RNF24: variants seen among roughly 807,000 people sequenced by gnomAD.
RNF24 encodes ring finger protein 24.
Under a neutral mutation model 20.0 loss-of-function variants are expected in RNF24, and 14 were observed. That is an observed-to-expected ratio of 0.70 (90% CI 0.46 to 1.10). The LOEUF is 1.10. Ranked by LOEUF, RNF24 falls within the 50% of genes least tolerant of loss-of-function variation. The pLI, the probability that RNF24 is intolerant of heterozygous loss-of-function variation, is 0.00. For missense variants in RNF24, 124 were observed against 177.6 expected, an observed-to-expected ratio of 0.70 and a Z score of 1.71; for synonymous variants, 45 against 61.1, an observed-to-expected ratio of 0.74 and a Z score of 1.23.
At chr20:3,947,524 G>A (rs2091033235) in intron 3 of RNF24, among the ~76,000 whole-genome samples, 1 of 152,216 alleles carries the variant, frequency 6.6e-6, no homozygotes, top group Non-Finnish European at 1.5e-5. Flanking sequence ...ACAAAAGGGA[G>A]TAGATGAGAT....
At chr20:3,983,726 A>C (rs1029264265) in intron 1 of RNF24, among the ~76,000 whole-genome samples, 3 of 152,028 alleles carry the variant, frequency 2.0e-5, no homozygotes, top group Admixed American at 2.0e-4. Context: ...AGATCACCTG[A>C]GGTCAGATGT....
intron 4 of RNF24, among the ~76,000 whole-genome samples, chr20:3,942,776 A>G (rs1325746794): frequency 6.8e-6 from 1 of 147,962 alleles, no homozygotes; most frequent in African/African-American, 2.5e-5. Context: ...CCTGGCCTGG[A>G]CAAATATTTC....
chr20:3,997,737 GC>G (rs1568662546), intron 1 of RNF24, among the ~76,000 whole-genome samples: 1 of 152,128 alleles, frequency 6.6e-6, no homozygotes, highest in Admixed American at 6.6e-5. Context: ...GAAAAATATG[GC>G]TTTTGCTAAG....
At position 3,932,394 on chromosome 20, in the gene RNF24, C is replaced by A. The variant is rs2090835509; in HGVS notation, c.*1669G>T. On this transcript the variant is annotated 3_prime_UTR_variant, in exon 6 of 6. Coordinates refer to ENST00000358395, the MANE Select transcript of RNF24 (RefSeq NM_001134337.3). ...TTTAGGAAGCAGTCCAGTTGGCATACCACGAATAGGTCACACATAGGAAAT... is the reference window on the plus strand; with the variant it reads ...TTTAGGAAGCAGTCCAGTTGGCATAACACGAATAGGTCACACATAGGAAAT... 1 of 152,408 alleles carries A rather than the reference C, an allele frequency of 6.6e-6. No homozygotes were observed. The highest frequency in any genetic ancestry group is 1.9e-4 in the East Asian group (1 of 5,186). The allele number at this position is 152,408 out of a possible 1,614,324, so 9.4% of individuals were successfully genotyped here.
intron 1 of RNF24, among the ~76,000 whole-genome samples, chr20:4,003,625 A>T (rs938092996): frequency 1.2e-4 from 17 of 141,852 alleles, no homozygotes; most frequent in Non-Finnish European, 2.1e-4. Flanking sequence ...GGCCCATGTT[A>T]GAAACTCCTT....
chr20:3,962,943 C>T (rs1007346543), intron 2 of RNF24, among the ~76,000 whole-genome samples: 2 of 151,896 alleles, frequency 1.3e-5, no homozygotes, highest in Admixed American at 6.6e-5. Flanking sequence ...TCAGGTAATC[C>T]GCCCACCTCA....
rs925843434 is a variant in RNF24 at position 3,934,292 on chromosome 20, C to A, written c.309-91G>T. ...AACATCTCCATATCTGTCACCCAGA[C>A]AACGTCTGCTGTATGGTCCAAGGAG... On this transcript the variant is annotated intron_variant, in intron 5 of 5. Transcript: ENST00000358395. The surrounding 1 kb of genome is among the most constrained non-coding windows in gnomAD (Gnocchi z 4.0). The A allele has an allele frequency of 1.5e-6, 2 of 1,357,114 alleles. No homozygotes were observed. Among genetic ancestry groups the A allele is most frequent in the South Asian group, 1.4e-5 (1 of 73,452 alleles). The allele number at this position is 1,357,114 out of a possible 1,614,324, so 84.1% of individuals were successfully genotyped here.
At chr20:4,008,393 T>TAATATATATA (rs1555803330) in intron 1 of RNF24, among the ~76,000 whole-genome samples, 18 of 23,038 alleles carry the variant, frequency 7.8e-4, no homozygotes, top group African/African-American at 3.5e-3. Flanking sequence ...ATATATATTA[T>TAATATATATA]ATATGTAATA....
intron 1 of RNF24, among the ~76,000 whole-genome samples, chr20:3,990,126 C>G (rs1302677685): frequency 6.6e-6 from 1 of 151,966 alleles, no homozygotes; most frequent in East Asian, 1.9e-4. Context: ...TAAAATATAT[C>G]TGAGCTGTAC....
intron 2 of RNF24, among the ~76,000 whole-genome samples, chr20:3,952,170 CTT>C (rs2091089101): frequency 6.6e-6 from 1 of 151,188 alleles, no homozygotes; most frequent in African/African-American, 2.4e-5. Flanking sequence ...AAAAAACCCT[CTT>C]GGGGTTTTGA....
intron 1 of RNF24, among the ~76,000 whole-genome samples, chr20:3,994,424 C>T (rs767626396): frequency 2.6e-5 from 4 of 152,166 alleles, no homozygotes; most frequent in Non-Finnish European, 5.9e-5. Flanking sequence ...ATCAATACAA[C>T]TCTGTTTAAT....
chr20:3,977,939 TGAG>T (rs981707814), intron 1 of RNF24, among the ~76,000 whole-genome samples: 61 of 151,002 alleles, frequency 4.0e-4, no homozygotes, highest in Non-Finnish European at 7.4e-4. Flanking sequence ...GACTCTAGGA[TGAG>T]GAGAAGCTGG....
At chr20:3,993,201 G>C (rs539797032) in intron 1 of RNF24, among the ~76,000 whole-genome samples, 1 of 152,074 alleles carries the variant, frequency 6.6e-6, no homozygotes, top group African/African-American at 2.4e-5. Context: ...ATGCTCCCCA[G>C]TATTCAGATG....
chr20:4,000,002 A>G lies in RNF24; in HGVS notation c.-8+15435T>C, dbSNP rs181259941. Among the ~76,000 whole-genome samples the G allele has an allele frequency of 6.7e-3, 1,023 of 152,262 alleles. 10 individuals carry two copies. Among genetic ancestry groups the G allele is most frequent in the African/African-American group, 0.023 (970 of 41,552 alleles). ...ATTGGTAGTTGCTTAGAGCAAGGGA[A>G]GGGGGAGGAGCGGGGAGAATGAGGG... is the stretch of plus-strand genomic sequence containing the variant. On this transcript the variant is annotated intron_variant, in intron 1 of 5. Coordinates refer to ENST00000358395, the MANE Select transcript of RNF24 (RefSeq NM_001134337.3).
chr20:3,952,276 C>A (rs2091090279), intron 2 of RNF24, among the ~76,000 whole-genome samples: 1 of 152,012 alleles, frequency 6.6e-6, no homozygotes, highest in Non-Finnish European at 1.5e-5. Flanking sequence ...TCTTTATTTA[C>A]AGCTTTAATT....
intron 4 of RNF24, among the ~76,000 whole-genome samples, chr20:3,940,756 G>C (rs146671206): frequency 6.6e-6 from 1 of 152,214 alleles, no homozygotes; most frequent in East Asian, 1.9e-4. Flanking sequence ...AATCATGGAG[G>C]GCCAGAAGGA....
chr20:3,994,544 T>C (rs1282465398), intron 1 of RNF24, among the ~76,000 whole-genome samples: 2 of 152,196 alleles, frequency 1.3e-5, no homozygotes, highest in African/African-American at 4.8e-5. Context: ...CAAAGGTGAT[T>C]AGAAGGCACT....
At chr20:3,975,425 G>C (rs1978784705) in intron 1 of RNF24, among the ~76,000 whole-genome samples, 1 of 151,396 alleles carries the variant, frequency 6.6e-6, no homozygotes, top group Non-Finnish European at 1.5e-5. Context: ...GAAATGAAAT[G>C]TTTTTTTTGC....
chr20:3,960,610 G>C (rs1184876452), intron 2 of RNF24, among the ~76,000 whole-genome samples: 1 of 152,070 alleles, frequency 6.6e-6, no homozygotes, highest in African/African-American at 2.4e-5. Flanking sequence ...AGAGCTTGCA[G>C]TGAGCCAAGA....
Sources: gnomAD v4.1 joint callset for allele counts (sites outside exome capture counted in the v4.1 genomes callset) on GRCh38, gnomAD v4.1.1 for gene constraint, Gnocchi (gnomAD v3.1) non-coding constraint, MANE v1.5 for transcripts, NCBI Gene and HGNC (gene_info 2026-07-23, HGNC 2026-07-21) for gene names.